ARMCX4: variants seen among roughly 807,000 people sequenced by gnomAD.
ARMCX4 encodes the protein armadillo repeat containing X-linked 4, also known as armadillo repeat-containing X-linked protein 4.
ARMCX4 carries 3 observed loss-of-function variants against 34.7 expected under a neutral mutation model. The ratio of observed to expected loss-of-function variants is 0.09; its 90% confidence interval spans 0.04 to 0.22. The LOEUF (loss-of-function observed/expected upper bound fraction) is 0.22. Among genes scored for constraint, ARMCX4 ranks in the 10% least tolerant of loss-of-function variants. The pLI, the probability that ARMCX4 is intolerant of heterozygous loss-of-function variation, is 1.00. For missense variants in ARMCX4, 1,448 were observed against 1,720.8 expected, an observed-to-expected ratio of 0.84 and a Z score of 2.81; for synonymous variants, 513 against 632.8, an observed-to-expected ratio of 0.81 and a Z score of 2.84.
At chrX:101,479,669 C>T (rs1363339262) in intron 4 of ARMCX4, among the ~76,000 whole-genome samples, 2 of 109,071 alleles carry the variant, frequency 1.8e-5, no homozygotes, top group Non-Finnish European at 3.8e-5. Context: ...TTAGTAAAGA[C>T]GAGGTTTCAC....
chrX:101,420,808 G>A (rs1468130781), intron 2 of ARMCX4, among the ~76,000 whole-genome samples: 1 of 112,432 alleles, frequency 8.9e-6, no homozygotes, highest in African/African-American at 3.2e-5. Context: ...GGGCATGCAG[G>A]GCCTTACAAG....
chrX:101,509,446 T>A (rs1934528133), intron 9 of ARMCX4: 1 of 110,873 alleles, frequency 9.0e-6, no homozygotes, highest in South Asian at 3.8e-4. Context: ...GTCATTTTTC[T>A]TTTTTTTTAA....
downstream of ARMCX4, among the ~76,000 whole-genome samples, chrX:101,449,309 T>A (rs1289245475): frequency 8.9e-6 from 1 of 112,497 alleles, no homozygotes; most frequent in Non-Finnish European, 1.9e-5. Flanking sequence ...ACCCCATCTC[T>A]TTTTCTACCT....
Position 101,494,039 on chromosome X carries a change from C to CTGGGGCTGGGGG in ARMCX4, c.5461_5462insGTGGGGCTGGGG (p.Gly1820_Ala1821insGlyGlyAlaGly). 3 of 540,546 alleles carry CTGGGGCTGGGGG rather than the reference C, an allele frequency of 5.5e-6. No homozygotes were observed. Among genetic ancestry groups the CTGGGGCTGGGGG allele is most frequent in the East Asian group, 5.1e-5 (1 of 19,492 alleles). The allele number at this position is 540,546 out of a possible 1,213,427, so 44.5% of individuals were successfully genotyped here. On this transcript the variant is annotated inframe_insertion, in exon 6 of 6. Transcript: ENST00000423738. ...GCTGAGGCTGGGGCTGGGGCTGAGG[C>CTGGGGCTGGGGG]TGGGGCTGGGGCTGAGGCTGGGGCT...
chrX:101,439,672 G>A (rs7473980), intron 2 of ARMCX4, among the ~76,000 whole-genome samples: 24 of 111,506 alleles, frequency 2.2e-4, no homozygotes, highest in Middle Eastern at 9.2e-3. Context: ...GGCTTTGTTC[G>A]TTTCTTTGTA....
At chrX:101,442,991 C>T (rs781870443) in intron 2 of ARMCX4, among the ~76,000 whole-genome samples, 2 of 109,334 alleles carry the variant, frequency 1.8e-5, no homozygotes, top group Non-Finnish European at 3.8e-5. Context: ...ATCAGAAGGG[C>T]GTGGTGGCAG....
intron 11 of ARMCX4, among the ~76,000 whole-genome samples, chrX:101,512,156 T>C (rs1556016466): frequency 9.0e-6 from 1 of 110,957 alleles, no homozygotes; most frequent in Admixed American, 9.6e-5. Flanking sequence ...CTGAGGTGGA[T>C]GGATCACTTG....
chrX:101,488,634 G>T lies in ARMCX4; in HGVS notation c.45G>T (p.Val15=). 1.7e-6 allele frequency: 2 copies of T among 1,156,190 alleles called. No homozygotes were observed. The highest frequency in any genetic ancestry group is 2.3e-6 in the Non-Finnish European group (2 of 872,991). Residue 15 remains valine (V), a synonymous_variant, in exon 6 of 6, where the codon GTG becomes GTT. Transcript: ENST00000423738. ...TGGGCTGGGTGACTGCAGGACTGGT[G>T]ATCTGGGCTGGCACCTGCTACTACA... is the stretch of plus-strand genomic sequence containing the variant. ...QEVGWVTAGL[V]IWAGTCYYIY...
intron 2 of ARMCX4, among the ~76,000 whole-genome samples, chrX:101,432,101 T>G (rs782092031): frequency 2.6e-4 from 29 of 112,420 alleles, no homozygotes; most frequent in Admixed American, 7.6e-4. Context: ...ATACGCATTT[T>G]CCTGTTTTCA....
chrX:101,432,729 C>T (rs782771487), intron 2 of ARMCX4, among the ~76,000 whole-genome samples: 1 of 84,878 alleles, frequency 1.2e-5, no homozygotes, highest in Admixed American at 1.3e-4. Context: ...TATGTATATA[C>T]ACATATATAC....
intron 4 of ARMCX4, among the ~76,000 whole-genome samples, chrX:101,479,230 T>C (rs1357191137): frequency 1.9e-5 from 2 of 104,596 alleles, no homozygotes; most frequent in African/African-American, 3.5e-5. Context: ...AAAGCCACAT[T>C]CACAATATTA....
At chrX:101,462,985 A>G (rs1157673932) in intron 4 of ARMCX4, among the ~76,000 whole-genome samples, 2 of 111,774 alleles carry the variant, frequency 1.8e-5, no homozygotes, top group Non-Finnish European at 3.8e-5. Context: ...GCCGGTGCCA[A>G]TAAGTCCAAG....
chrX:101,471,515 A>T, intron 4 of ARMCX4, among the ~76,000 whole-genome samples: 1 of 112,132 alleles, frequency 8.9e-6, no homozygotes, highest in Non-Finnish European at 1.9e-5. Context: ...GGAACAGGCT[A>T]TCAGATTTAG....
intron 11 of ARMCX4, among the ~76,000 whole-genome samples, chrX:101,523,116 C>T (rs1278756621): frequency 9.0e-6 from 1 of 111,693 alleles, no homozygotes; most frequent in Non-Finnish European, 1.9e-5. Context: ...AAGCCACACA[C>T]AGACCTATAA....
intron 7 of ARMCX4, among the ~76,000 whole-genome samples, chrX:101,504,509 A>T (rs1254488188): frequency 1.8e-5 from 2 of 110,631 alleles, no homozygotes; most frequent in African/African-American, 6.6e-5. Context: ...CATGGGACTT[A>T]GGGGGGCCTT....
intron 4 of ARMCX4, among the ~76,000 whole-genome samples, chrX:101,461,872 C>T (rs1932626558): frequency 9.0e-6 from 1 of 111,515 alleles, no homozygotes; most frequent in Non-Finnish European, 1.9e-5. Context: ...ATTTAAAACA[C>T]TGTGTATTGC....
intron 4 of ARMCX4, among the ~76,000 whole-genome samples, chrX:101,479,842 T>C (rs1289599933): frequency 3.6e-5 from 4 of 109,973 alleles, no homozygotes; most frequent in Non-Finnish European, 5.7e-5. Flanking sequence ...AAAATGAAAC[T>C]TGGAACTTCA....
exon 3 of ARMCX4, chrX:101,444,153 A>G (rs782734045): frequency 2.2e-5 from 6 of 270,553 alleles, no homozygotes; most frequent in Admixed American, 8.2e-5. Flanking sequence ...GTTGAAGAAC[A>G]TGGTGAGTTT....
chrX:101,464,651 T>C (rs1442986149), intron 4 of ARMCX4, among the ~76,000 whole-genome samples: 1 of 111,973 alleles, frequency 8.9e-6, no homozygotes, highest in Admixed American at 9.5e-5. Context: ...TTGCTTCCCC[T>C]TTTAGATGAT....
Sources: allele counts gnomAD v4.1 joint callset (sites outside exome capture counted in the v4.1 genomes callset), GRCh38; gene constraint gnomAD v4.1.1; transcripts MANE v1.5; gene names NCBI Gene and HGNC (gene_info 2026-07-23, HGNC 2026-07-21).